Variants in NRCAM observed in about 807,000 individuals in gnomAD.
NRCAM encodes neuronal cell adhesion molecule, also known as NgCAM-related cell adhesion molecule.
Under a neutral mutation model 156.5 loss-of-function variants are expected in NRCAM, and 83 were observed. The observed-to-expected ratio is 0.53, with a 90% CI of 0.44 to 0.64. The LOEUF is 0.64. NRCAM is among the 30% of genes least tolerant of loss of function. The probability of loss-of-function intolerance (pLI) is 0.00; values close to 1 mark genes in which losing one functional copy is unlikely to be tolerated. For missense variants in NRCAM, 1,417 were observed against 1,597.3 expected (o/e 0.89, Z 1.92); for synonymous variants, 538 against 563.9 (o/e 0.95, Z 0.65).
At chr7:108,182,985 C>T (rs2064331131) in intron 22 of NRCAM, 65 bp from the exon 23 acceptor site, 3 of 1,298,894 alleles carry the variant, frequency 2.3e-6, no homozygotes, top group East Asian at 2.4e-5. Flanking sequence ...TTTACAGGAA[C>T]AGCAAATTCA....
intron 1 of NRCAM, among the ~76,000 whole-genome samples, chr7:108,404,213 G>A (rs530901667): frequency 2.0e-5 from 3 of 151,670 alleles, no homozygotes; most frequent in East Asian, 3.9e-4. Context: ...TGAATTTCAC[G>A]CCATCTCTGA....
chr7:108,401,733 C>G (rs1286355334), intron 1 of NRCAM, among the ~76,000 whole-genome samples: 1 of 152,120 alleles, frequency 6.6e-6, no homozygotes, highest in Non-Finnish European at 1.5e-5. Context: ...AATGATGGAC[C>G]TCGAATTTTA....
chr7:108,353,822 A>G (rs1444904134), intron 2 of NRCAM, among the ~76,000 whole-genome samples: 1 of 152,262 alleles, frequency 6.6e-6, no homozygotes, highest in African/African-American at 2.4e-5. Flanking sequence ...AGCACTTTAC[A>G]AGCAATGTTG....
intron 6 of NRCAM, among the ~76,000 whole-genome samples, chr7:108,233,994 A>G (rs1412343417): frequency 6.6e-6 from 1 of 152,184 alleles, no homozygotes; most frequent in Non-Finnish European, 1.5e-5. Flanking sequence ...GTGATCTAAA[A>G]TGCTATGCAA....
intron 2 of NRCAM, among the ~76,000 whole-genome samples, chr7:108,389,884 C>A (rs1020169985): frequency 2.0e-5 from 3 of 152,128 alleles, no homozygotes; most frequent in African/African-American, 4.8e-5. Flanking sequence ...GTTGAATGAG[C>A]CTTGCATCTC....
At chr7:108,452,443 T>C (rs997807928) in intron 1 of NRCAM, among the ~76,000 whole-genome samples, 10 of 152,104 alleles carry the variant, frequency 6.6e-5, no homozygotes, top group African/African-American at 2.2e-4. Flanking sequence ...TTGATCCCAA[T>C]AGAGGCTGTT....
chr7:108,324,403 C>T lies in NRCAM; in HGVS notation c.-173-11672G>A, dbSNP rs185359012. ...CTTTAAAGCCTTTCCTTCCCGATTCCTCCCTGTCAATAATAATGCTTGTCT... is the reference window on the plus strand; with the variant it reads ...CTTTAAAGCCTTTCCTTCCCGATTCTTCCCTGTCAATAATAATGCTTGTCT... On this transcript the variant is annotated intron_variant, in intron 2 of 32. Coordinates refer to ENST00000379028, the MANE Select transcript of NRCAM (RefSeq NM_001037132.4). Among the ~76,000 whole-genome samples, 80 of 152,236 alleles carry T rather than the reference C, an allele frequency of 5.3e-4. 1 individual carries two copies. Among genetic ancestry groups the T allele is most frequent in the African/African-American group, 1.7e-3 (72 of 41,536 alleles).
intron 2 of NRCAM, among the ~76,000 whole-genome samples, chr7:108,391,796 C>T (rs527605529): frequency 4.6e-4 from 70 of 152,312 alleles, no homozygotes; most frequent in African/African-American, 1.7e-3. Flanking sequence ...TCAGCATTTG[C>T]TTGTCAGTAA....
At chr7:108,152,979 G>C (rs563308068) in intron 32 of NRCAM, among the ~76,000 whole-genome samples, 1 of 152,302 alleles carries the variant, frequency 6.6e-6, no homozygotes, top group South Asian at 2.1e-4. Context: ...TGAGCAACAG[G>C]AAGCTTGGAA....
chr7:108,189,611 G>T, intron 20 of NRCAM, 34 bp downstream of exon 20: 1 of 873,062 alleles, frequency 1.1e-6, no homozygotes, highest in Non-Finnish European at 2.0e-6. Context: ...TGGCCATTTA[G>T]TTGATCGGAA....
chr7:108,301,344 T>C (rs2098607269), intron 3 of NRCAM, among the ~76,000 whole-genome samples: 1 of 152,132 alleles, frequency 6.6e-6, no homozygotes, highest in South Asian at 2.1e-4. Context: ...ACAGACAACA[T>C]TTACAGAAAT....
chr7:108,387,265 A>G (rs1046097874), intron 2 of NRCAM, among the ~76,000 whole-genome samples: 1 of 152,136 alleles, frequency 6.6e-6, no homozygotes, highest in East Asian at 1.9e-4. Context: ...ATTAATAGGG[A>G]CTAAAAGTAT....
At chr7:108,234,559 T>C (rs752639162) in intron 6 of NRCAM, 24 bp downstream of exon 6, 1 of 1,347,574 alleles carries the variant, frequency 7.4e-7, no homozygotes, top group South Asian at 1.2e-5. Flanking sequence ...CTCAGTACTA[T>C]AACAAAGCAG....
chr7:108,324,728 T>C (rs1416501046), intron 2 of NRCAM, among the ~76,000 whole-genome samples: 4 of 152,168 alleles, frequency 2.6e-5, no homozygotes, highest in Non-Finnish European at 5.9e-5. Context: ...TACAAATCTG[T>C]ATTTCAAGTT....
intron 1 of NRCAM, among the ~76,000 whole-genome samples, chr7:108,419,988 A>T (rs1807074206): frequency 1.3e-5 from 2 of 152,080 alleles, no homozygotes; most frequent in Non-Finnish European, 2.9e-5. Context: ...GTTATTTGGT[A>T]GCAAACCAAG....
At chr7:108,312,577 G>A (rs2098817466) in intron 3 of NRCAM, 88 bp downstream of exon 3, 1 of 151,932 alleles carries the variant, frequency 6.6e-6, no homozygotes, top group South Asian at 2.1e-4. Context: ...ATTAAATATG[G>A]CAATAATATT....
intron 2 of NRCAM, among the ~76,000 whole-genome samples, chr7:108,377,090 G>T (rs1338089442): frequency 2.0e-5 from 3 of 152,144 alleles, no homozygotes; most frequent in Non-Finnish European, 4.4e-5. Flanking sequence ...ATTGAGCCTG[G>T]GAGATTGAGG....
intron 3 of NRCAM, among the ~76,000 whole-genome samples, chr7:108,304,640 G>T (rs1480537621): frequency 6.6e-6 from 1 of 151,994 alleles, no homozygotes; most frequent in Non-Finnish European, 1.5e-5. Flanking sequence ...AATGACTTCA[G>T]AATAAACTGT....
intron 1 of NRCAM, among the ~76,000 whole-genome samples, chr7:108,418,448 G>A (rs939327663): frequency 5.3e-5 from 8 of 152,052 alleles, no homozygotes; most frequent in African/African-American, 1.7e-4. Flanking sequence ...TGGGACAAAC[G>A]ATGACATTCT....
Sources: gnomAD v4.1 joint callset for allele counts (sites outside exome capture counted in the v4.1 genomes callset) on GRCh38, gnomAD v4.1.1 for gene constraint, MANE v1.5 for transcripts, NCBI Gene and HGNC (gene_info 2026-07-23, HGNC 2026-07-21) for gene names.